Variants in EYS observed in about 807,000 individuals in gnomAD.
EYS encodes the protein EGF-like photoreceptor maintenance factor.
EYS carries 250 observed loss-of-function variants against 282.1 expected under a neutral mutation model. The observed-to-expected ratio is 0.89, with a 90% CI of 0.80 to 0.98. The LOEUF is 0.98. EYS is among the 50% of genes least tolerant of loss of function. The probability of loss-of-function intolerance (pLI) is 0.00; values close to 1 mark genes in which losing one functional copy is unlikely to be tolerated. For synonymous variants in EYS, 1,355 were observed against 1,282.9 expected, an observed-to-expected ratio of 1.06 and a Z score of -1.20; for missense variants, 4,016 against 3,709.0, an observed-to-expected ratio of 1.08 and a Z score of -2.15.
rs1417332665 is a variant in EYS at position 65,036,252 on chromosome 6, G to C, written c.2137+21362C>G. ...AGAAAGGACTCCCTATTCAATAAAC[G>C]GTGCTGAGATAACTAGCTAGCTATA... On this transcript the variant is annotated intron_variant, in intron 13 of 42. Transcript: ENST00000503581. Among the ~76,000 whole-genome samples the C allele has an allele frequency of 1.3e-5, 2 of 151,708 alleles. 1 individual carries two copies. The highest frequency in any genetic ancestry group is 4.2e-4 in the South Asian group (2 of 4,818).
Position 65,002,831 on chromosome 6 carries a change from G to A in EYS, c.2138-5128C>T, listed in dbSNP as rs147856594. Among the ~76,000 whole-genome samples, 42 of 147,572 alleles carry A rather than the reference G, an allele frequency of 2.8e-4. 4 individuals carry two copies. The highest frequency in any genetic ancestry group is 5.3e-4 in the Non-Finnish European group (35 of 65,880). The stretch of plus-strand genomic sequence containing the variant: ...AATACTTTTATAATTTCTTATGCCT[G>A]TCTTTACTGCAATCTCTAAACATAA... On this transcript the variant is annotated intron_variant, in intron 13 of 42. Transcript: ENST00000503581.
intron 26 of EYS, among the ~76,000 whole-genome samples, chr6:64,563,470 T>G (rs1765467669): frequency 6.6e-6 from 1 of 152,112 alleles, no homozygotes; most frequent in Admixed American, 6.5e-5. Flanking sequence ...CAAATTTGAC[T>G]TAAGAATTTA....
At chr6:65,327,251 G>A (rs1388848271) in intron 11 of EYS, among the ~76,000 whole-genome samples, 3 of 151,676 alleles carry the variant, frequency 2.0e-5, no homozygotes, top group East Asian at 3.9e-4. Flanking sequence ...TTTCGGTTGT[G>A]TGTTTTTGAT....
intron 26 of EYS, among the ~76,000 whole-genome samples, chr6:64,459,183 T>C (rs1471482126): frequency 6.6e-6 from 1 of 152,236 alleles, no homozygotes; most frequent in Non-Finnish European, 1.5e-5. Flanking sequence ...ACATGTTTAA[T>C]CTTTGAGATG....
chr6:63,979,873 C>T (rs1343273185), intron 35 of EYS, among the ~76,000 whole-genome samples: 5 of 151,806 alleles, frequency 3.3e-5, no homozygotes, highest in African/African-American at 4.8e-5. Flanking sequence ...TGTCCAGAAA[C>T]GTGTGATGGT....
At chr6:64,335,232 A>G (rs1770797631) in intron 29 of EYS, among the ~76,000 whole-genome samples, 1 of 151,948 alleles carries the variant, frequency 6.6e-6, no homozygotes, top group Non-Finnish European at 1.5e-5. Flanking sequence ...AAGTTGCTGC[A>G]AAGTGTGACT....
At position 65,572,853 on chromosome 6, in the gene EYS, C is replaced by A. The variant is rs560132353; in HGVS notation, c.-333+66925G>T. ...ATCTATTTTAAAAATTGCAAAAAAACCATGATTAAGCATTTTAAAAATCTA... is the reference window on the plus strand; with the variant it reads ...ATCTATTTTAAAAATTGCAAAAAAAACATGATTAAGCATTTTAAAAATCTA... On this transcript the variant is annotated intron_variant, in intron 2 of 42. Transcript: ENST00000503581. 1.1e-4 allele frequency among the ~76,000 whole-genome samples: 16 copies of A among 152,160 alleles called. No individual in the cohort carries two copies. The South Asian group carries it at 2.7e-3, about 26-fold the overall frequency.
At chr6:64,583,162 T>G (rs1007803062) in intron 26 of EYS, among the ~76,000 whole-genome samples, 3 of 152,180 alleles carry the variant, frequency 2.0e-5, no homozygotes, top group Non-Finnish European at 2.9e-5. Context: ...TGGAAGTGTC[T>G]ACATCTTACT....
At chr6:63,807,484 G>A (rs2149679501) in intron 36 of EYS, among the ~76,000 whole-genome samples, 1 of 152,164 alleles carries the variant, frequency 6.6e-6, no homozygotes, top group East Asian at 1.9e-4. Context: ...ATTATCAAAG[G>A]CTTGTATATC....
chr6:64,687,669 G>A (rs556572397), intron 22 of EYS, among the ~76,000 whole-genome samples: 6 of 152,298 alleles, frequency 3.9e-5, no homozygotes, highest in African/African-American at 1.4e-4. Flanking sequence ...AGGGATATTA[G>A]TCTAAAATTC....
rs674324 is a variant in EYS at position 64,328,723 on chromosome 6, C to T, written c.6079-21641G>A. 3.8e-3 allele frequency among the ~76,000 whole-genome samples: 578 copies of T among 152,092 alleles called. 4 individuals are homozygous for T. Among genetic ancestry groups the T allele is most frequent in the African/African-American group, 0.013 (537 of 41,476 alleles). On this transcript the variant is annotated intron_variant, in intron 29 of 42. Coordinates refer to ENST00000503581, the MANE Select transcript of EYS (RefSeq NM_001142800.2). ...TGGGATGAGGAGGCCAAGAGAGAAG[C>T]CAGACACAGAGCTAAGGAAAAGGCA...
At position 64,024,082 on chromosome 6, in the gene EYS, G is replaced by A. The variant is rs185614465; in HGVS notation, c.6726-24899C>T. On this transcript the variant is annotated intron_variant, in intron 33 of 42. Coordinates refer to ENST00000503581, the MANE Select transcript of EYS (RefSeq NM_001142800.2). ...TGAGTGCCACCCCCTGCTCCACAGCGCCCAGTCCCATCGACCACCCAAGGG... is the reference window on the plus strand; with the variant it reads ...TGAGTGCCACCCCCTGCTCCACAGCACCCAGTCCCATCGACCACCCAAGGG... Among the ~76,000 whole-genome samples the A allele has an allele frequency of 2.5e-3, 374 of 152,282 alleles. 1 individual carries two copies. Among genetic ancestry groups the A allele is most frequent in the Middle Eastern group, 0.014 (4 of 294 alleles).
chr6:64,952,309 A>T (rs1769538859), intron 14 of EYS, among the ~76,000 whole-genome samples: 1 of 151,998 alleles, frequency 6.6e-6, no homozygotes, highest in African/African-American at 2.4e-5. Context: ...TTGACAGATG[A>T]CCTGGATTTA....
chr6:64,279,218 A>G (rs566506533), intron 30 of EYS, among the ~76,000 whole-genome samples: 22 of 152,308 alleles, frequency 1.4e-4, no homozygotes, highest in South Asian at 8.3e-4. Context: ...AGAAACATTA[A>G]TAACTTGAGA....
chr6:64,175,391 A>G (rs4235967), intron 31 of EYS, among the ~76,000 whole-genome samples: 51,750 of 151,986 alleles, frequency 0.34, 8,873 homozygotes, highest in East Asian at 0.55. Flanking sequence ...AGATAGTAGT[A>G]AAGAAGGAAA....
Position 64,078,380 on chromosome 6 carries a change from C to T in EYS, c.6571+3476G>A, listed in dbSNP as rs185989834. 1.2e-3 allele frequency among the ~76,000 whole-genome samples: 187 copies of T among 152,022 alleles called. 1 individual carries two copies. Among genetic ancestry groups the T allele is most frequent in the African/African-American group, 4.1e-3 (171 of 41,508 alleles). ...GATTTCAAAGTAAATGCAATTATCC[C>T]CTAAGTTAAGGGACACACCTTTTAA... On this transcript the variant is annotated intron_variant, in intron 32 of 42. Transcript: ENST00000503581.
intron 13 of EYS, among the ~76,000 whole-genome samples, chr6:65,020,041 C>T (rs1270254012): frequency 1.3e-5 from 2 of 152,184 alleles, no homozygotes; most frequent in African/African-American, 2.4e-5. Context: ...AGGACCCTCT[C>T]ACAACACATG....
In EYS at chr6:63,762,484, G is replaced by T. The variant is rs996098321; in HGVS notation, c.8048C>A (p.Thr2683Asn). 18 of 1,549,988 alleles carry T rather than the reference G, an allele frequency of 1.2e-5. No homozygotes were observed. In the African/African-American group the frequency reaches 2.3e-4, roughly 20 times the overall value. Residue 2683 changes from threonine (T) to asparagine (N), a missense_variant, in exon 41 of 43, where the codon ACC (threonine) becomes AAC (asparagine). By Grantham distance (65) the Thr-to-Asn change is moderately conservative. Transcript: ENST00000503581. ...HGYTCFCPLGTTGIYCEQALS... is the reference protein window; with the variant it reads ...HGYTCFCPLGNTGIYCEQALS... ...ACCTTGTTCACAGTAGATTCCAGTGGTTCCTAGAGGACAGAAACAGGTGTA... is the reference window on the plus strand; with the variant it reads ...ACCTTGTTCACAGTAGATTCCAGTGTTTCCTAGAGGACAGAAACAGGTGTA...
chr6:65,119,728 A>G (rs1475898588), intron 12 of EYS, among the ~76,000 whole-genome samples: 1 of 151,200 alleles, frequency 6.6e-6, no homozygotes, highest in Non-Finnish European at 1.5e-5. Context: ...ATAGCTAGGC[A>G]TGGTGGTATA....
Sources: allele counts gnomAD v4.1 joint callset (sites outside exome capture counted in the v4.1 genomes callset), GRCh38; gene constraint gnomAD v4.1.1; transcripts MANE v1.5; gene names NCBI Gene and HGNC (gene_info 2026-07-23, HGNC 2026-07-21).